CCDC148: variants seen among roughly 807,000 people sequenced by gnomAD.
The protein encoded by CCDC148 is coiled-coil domain-containing protein 148.
A neutral mutation model predicts 85.7 loss-of-function variants in CCDC148; 89 were observed. That is an observed-to-expected ratio of 1.04 (90% CI 0.87 to 1.24). The LOEUF (loss-of-function observed/expected upper bound fraction) is 1.24, where lower values mean the gene tolerates loss of function less well. CCDC148 is among the 50% of genes most tolerant of loss of function. The pLI, the probability that CCDC148 is intolerant of heterozygous loss-of-function variation, is 0.00. For missense variants in CCDC148, 692 were observed against 671.7 expected (o/e 1.03, Z -0.33); for synonymous variants, 230 against 213.9 (o/e 1.08, Z -0.66).
intron 1 of CCDC148, among the ~76,000 whole-genome samples, chr2:158,455,607 T>C (rs1688624168): frequency 1.5e-5 from 2 of 130,818 alleles, no homozygotes; most frequent in South Asian, 2.9e-4. Flanking sequence ...TCACACAATA[T>C]GGTCCCTCCA....
intron 1 of CCDC148, among the ~76,000 whole-genome samples, chr2:158,438,253 C>G (rs578049669): frequency 1.7e-4 from 26 of 152,248 alleles, no homozygotes; most frequent in African/African-American, 6.3e-4. Flanking sequence ...ACCAAAATAG[C>G]ATGGTACTGG....
chr2:158,249,294 C>T (rs1273683092), intron 10 of CCDC148, among the ~76,000 whole-genome samples: 1 of 152,062 alleles, frequency 6.6e-6, no homozygotes, highest in Non-Finnish European at 1.5e-5. Context: ...AGAAATGCTT[C>T]GAGGGCCCAA....
intron 1 of CCDC148, among the ~76,000 whole-genome samples, chr2:158,437,874 A>G (rs1687737898): frequency 6.6e-6 from 1 of 152,210 alleles, no homozygotes; most frequent in Non-Finnish European, 1.5e-5. Flanking sequence ...CCCATTCACA[A>G]CTGCTTCAAA....
intron 9 of CCDC148, among the ~76,000 whole-genome samples, chr2:158,304,409 G>A (rs551531729): frequency 6.6e-6 from 1 of 152,156 alleles, no homozygotes; most frequent in Non-Finnish European, 1.5e-5. Context: ...TCCTGATGTG[G>A]GTCATGCTCA....
At chr2:158,362,845 A>G (rs1020194487) in intron 1 of CCDC148, among the ~76,000 whole-genome samples, 2 of 152,156 alleles carry the variant, frequency 1.3e-5, no homozygotes, top group African/African-American at 2.4e-5. Context: ...GGAGATAGAG[A>G]CACAAAAAAC....
chr2:158,260,464 C>T (rs535080881), intron 9 of CCDC148, among the ~76,000 whole-genome samples: 2 of 152,090 alleles, frequency 1.3e-5, no homozygotes, highest in South Asian at 4.1e-4. Context: ...GACAGGGATG[C>T]CTTCTCTCAC....
chr2:158,339,633 T>C (rs1682569259), intron 5 of CCDC148, among the ~76,000 whole-genome samples: 1 of 151,956 alleles, frequency 6.6e-6, no homozygotes, highest in Non-Finnish European at 1.5e-5. Context: ...AATGTCAAAA[T>C]AGGGTGGTGT....
intron 11 of CCDC148, among the ~76,000 whole-genome samples, chr2:158,206,369 C>T (rs2105287450): frequency 6.6e-6 from 1 of 152,244 alleles, no homozygotes; most frequent in African/African-American, 2.4e-5. Context: ...ACAGCAGCAT[C>T]CTTTCAACCC....
intron 1 of CCDC148, among the ~76,000 whole-genome samples, chr2:158,383,765 A>G (rs2105290671): frequency 1.3e-5 from 2 of 152,286 alleles, no homozygotes; most frequent in East Asian, 3.9e-4. Context: ...ATTCTACTAC[A>G]TAACCACAAG....
intron 1 of CCDC148, among the ~76,000 whole-genome samples, chr2:158,378,876 C>T (rs956412870): frequency 2.6e-5 from 4 of 152,278 alleles, no homozygotes; most frequent in African/African-American, 9.6e-5. Flanking sequence ...ATTCACAATG[C>T]ACCTCGTCAG....
At chr2:158,287,659 G>A (rs147199574) in intron 9 of CCDC148, among the ~76,000 whole-genome samples, 494 of 152,280 alleles carry the variant, frequency 3.2e-3, no homozygotes, top group Middle Eastern at 6.8e-3. Flanking sequence ...GAGCAGCTCT[G>A]CCCCTATGGC....
chr2:158,322,584 A>T (rs1692571868), intron 7 of CCDC148, among the ~76,000 whole-genome samples: 3 of 152,172 alleles, frequency 2.0e-5, no homozygotes, highest in East Asian at 3.9e-4. Flanking sequence ...TATTTTAAAA[A>T]TTTTCTTTAA....
chr2:158,343,088 T>C (rs1363710603), intron 3 of CCDC148, among the ~76,000 whole-genome samples: 1 of 152,156 alleles, frequency 6.6e-6, no homozygotes, highest in Non-Finnish European at 1.5e-5. Context: ...GGTGCAATCA[T>C]AATGTACTGA....
chr2:158,399,775 G>A (rs1402803812), intron 1 of CCDC148, among the ~76,000 whole-genome samples: 1 of 152,054 alleles, frequency 6.6e-6, no homozygotes, highest in Admixed American at 6.6e-5. Flanking sequence ...TTCTGGCCAG[G>A]GCAATCAGGC....
chr2:158,311,144 G>C (rs10933467), intron 8 of CCDC148, among the ~76,000 whole-genome samples: 2 of 151,992 alleles, frequency 1.3e-5, no homozygotes, highest in Non-Finnish European at 2.9e-5. Flanking sequence ...AGGTTGTAGC[G>C]AGCGGAGATC....
At chr2:158,329,811 G>T (rs1162001663) in intron 7 of CCDC148, among the ~76,000 whole-genome samples, 1 of 152,134 alleles carries the variant, frequency 6.6e-6, no homozygotes, top group Non-Finnish European at 1.5e-5. Flanking sequence ...TTCTCTGTTT[G>T]TCTGTTATTG....
At chr2:158,418,475 G>C (rs1686610314) in intron 1 of CCDC148, among the ~76,000 whole-genome samples, 1 of 152,122 alleles carries the variant, frequency 6.6e-6, no homozygotes, top group South Asian at 2.1e-4. Context: ...AACTATCCTA[G>C]TAACACCTTC....
In CCDC148 at chr2:158,373,496, C is replaced by G. The variant is rs554194124; in HGVS notation, c.26-14926G>C. On this transcript the variant is annotated intron_variant, in intron 1 of 13. Transcript: ENST00000283233. Reference sequence around the variant, plus strand: ...GGAAGGCCTTTCTGTGCTGTTGCCTCTCTGACCAATACCTACTTATTTTTC... The same window carrying G: ...GGAAGGCCTTTCTGTGCTGTTGCCTGTCTGACCAATACCTACTTATTTTTC... Among the ~76,000 whole-genome samples, 20 of 152,166 alleles carry G rather than the reference C, an allele frequency of 1.3e-4. No homozygotes were observed. In the South Asian group the frequency reaches 4.2e-3, roughly 32 times the overall value.
chr2:158,244,801 G>A (rs1298574680), intron 10 of CCDC148, among the ~76,000 whole-genome samples: 1 of 152,132 alleles, frequency 6.6e-6, no homozygotes, highest in African/African-American at 2.4e-5. Flanking sequence ...CACGGCTGGA[G>A]GGTGAGTAGG....
Sources: allele counts gnomAD v4.1 joint callset (sites outside exome capture counted in the v4.1 genomes callset), GRCh38; gene constraint gnomAD v4.1.1; transcripts MANE v1.5; gene names NCBI Gene and HGNC (gene_info 2026-07-23, HGNC 2026-07-21).